RNF6: variants seen among roughly 807,000 people sequenced by gnomAD.
RNF6 encodes the protein E3 ubiquitin-protein ligase RNF6.
A neutral mutation model predicts 50.1 loss-of-function variants in RNF6; 21 were observed. That is an observed-to-expected ratio of 0.42 (90% CI 0.30 to 0.60). The LOEUF is 0.60. Among genes scored for constraint, RNF6 ranks in the 20% least tolerant of loss-of-function variants. RNF6 has a pLI of 0.20. For synonymous variants in RNF6, 255 were observed against 291.8 expected (o/e 0.87, Z 1.29); for missense variants, 698 against 838.2 (o/e 0.83, Z 2.07).
chr13:26,198,730 A>G (rs911788539), intron 5 of RNF6, among the ~76,000 whole-genome samples: 2 of 152,042 alleles, frequency 1.3e-5, no homozygotes, highest in African/African-American at 4.8e-5. Context: ...CATTCAGTAC[A>G]TAGAATATAA....
rs373539046 is a variant in RNF6 at position 26,214,562 on chromosome 13, G to A, written c.1320C>T (p.Gly440=). 7 of 1,614,032 alleles carry A rather than the reference G, an allele frequency of 4.3e-6. No individual in the cohort carries two copies. In the African/African-American group the frequency reaches 8.0e-5, roughly 18 times the overall value. ...CTAAACGAGAAATGGTTCGGCGAAAGCCCCCACTATTGCTTTCAATAGTGA... is the reference window on the plus strand; with the variant it reads ...CTAAACGAGAAATGGTTCGGCGAAAACCCCCACTATTGCTTTCAATAGTGA... ...NTVTIESNSG[G]FRRTISRLER... is the part of the protein sequence containing the mutation. The change falls in exon 5 of 5, where the codon GGC becomes GGT. Residue 440 remains glycine, a synonymous_variant. Coordinates refer to ENST00000381588, the MANE Select transcript of RNF6 (RefSeq NM_005977.4).
intron 5 of RNF6, among the ~76,000 whole-genome samples, chr13:26,151,365 C>T (rs930642404): frequency 3.9e-5 from 6 of 151,968 alleles, no homozygotes; most frequent in Admixed American, 6.6e-5. Flanking sequence ...CAGGTTCAAG[C>T]GGTTCTCCTG....
chr13:26,132,289 GA>G (rs1366498227), exon 6 of RNF6: 6 of 335,286 alleles, frequency 1.8e-5, no homozygotes, highest in South Asian at 5.0e-5. Context: ...TTCCATAAAA[GA>G]AAAAAAACTG....
At chr13:26,167,678 G>T (rs998577755) in intron 5 of RNF6, among the ~76,000 whole-genome samples, 2 of 152,174 alleles carry the variant, frequency 1.3e-5, no homozygotes, top group Non-Finnish European at 2.9e-5. Flanking sequence ...ACTACTATTT[G>T]ACCCAGCGAT....
At chr13:26,134,000 C>T (rs564355218) in intron 5 of RNF6, among the ~76,000 whole-genome samples, 2 of 152,216 alleles carry the variant, frequency 1.3e-5, no homozygotes, top group African/African-American at 2.4e-5. Context: ...TCTGACATAC[C>T]TCCAACAGGG....
chr13:26,217,275 A>G (rs1869981020), intron 4 of RNF6, among the ~76,000 whole-genome samples: 1 of 152,252 alleles, frequency 6.6e-6, no homozygotes, highest in South Asian at 2.1e-4. Flanking sequence ...TGGAAAAAGA[A>G]TGAGTAAAAG....
intron 5 of RNF6, among the ~76,000 whole-genome samples, chr13:26,181,809 G>T (rs960576271): frequency 6.6e-6 from 1 of 152,132 alleles, no homozygotes; most frequent in Non-Finnish European, 1.5e-5. Flanking sequence ...TTATACTCTG[G>T]AGCACTCTCA....
intron 5 of RNF6, among the ~76,000 whole-genome samples, chr13:26,150,048 G>GTA (rs71813042): frequency 0.26 from 21,803 of 84,034 alleles, 3,621 homozygotes; most frequent in Non-Finnish European, 0.33. Flanking sequence ...TATATAATGT[G>GTA]TATATATATA....
chr13:26,141,294 G>T (rs1366729540), intron 5 of RNF6, among the ~76,000 whole-genome samples: 1 of 151,964 alleles, frequency 6.6e-6, no homozygotes, highest in Non-Finnish European at 1.5e-5. Flanking sequence ...TGGGCGTGGT[G>T]GTGCATATCT....
intron 5 of RNF6, among the ~76,000 whole-genome samples, chr13:26,199,923 C>A (rs1452203976): frequency 6.6e-6 from 1 of 152,090 alleles, no homozygotes; most frequent in East Asian, 1.9e-4. Context: ...GGTGGAGCCC[C>A]CATGAATTTG....
Position 26,196,636 on chromosome 13 carries a change from AAAAT to A in RNF6, n.768+18834_768+18837del, listed in dbSNP as rs57251514. On this transcript the variant is annotated intron_variant and non_coding_transcript_variant, in intron 5 of 5. Coordinates refer to the RNF6 transcript ENST00000468480. ...TGACAGAGTGAGACTCTTTCTCCAA[AAAAT>A]AAATAAATAAATAAATAAATAAAAC... 5.9e-5 allele frequency among the ~76,000 whole-genome samples: 9 copies of A among 151,270 alleles called. 1 individual carries two copies. The highest frequency in any genetic ancestry group is 1.7e-4 in the African/African-American group (7 of 40,888).
intron 5 of RNF6, among the ~76,000 whole-genome samples, chr13:26,173,863 A>C (rs1220894644): frequency 2.0e-5 from 3 of 151,150 alleles, no homozygotes; most frequent in Non-Finnish European, 4.4e-5. Flanking sequence ...AGGCAGGAGA[A>C]TCACTTGAAC....
At chr13:26,197,633 G>A (rs9512150) in intron 5 of RNF6, among the ~76,000 whole-genome samples, 75,103 of 151,824 alleles carry the variant, frequency 0.49, 22,020 homozygotes, top group East Asian at 0.7. Context: ...CCAGTTACCT[G>A]TGTAGGAATC....
intron 5 of RNF6, among the ~76,000 whole-genome samples, chr13:26,143,549 G>A (rs1363321101): frequency 1.3e-5 from 2 of 152,094 alleles, no homozygotes; most frequent in African/African-American, 4.8e-5. Context: ...ACTCACTAGG[G>A]GTAATAGCAA....
chr13:26,195,816 A>G (rs1335502854), intron 5 of RNF6, among the ~76,000 whole-genome samples: 1 of 152,148 alleles, frequency 6.6e-6, no homozygotes, highest in Non-Finnish European at 1.5e-5. Context: ...ACACACATAC[A>G]TACAATTTTA....
chr13:26,189,150 G>A (rs758654205), intron 5 of RNF6, among the ~76,000 whole-genome samples: 1 of 152,072 alleles, frequency 6.6e-6, no homozygotes, highest in Non-Finnish European at 1.5e-5. Context: ...CCAACATGGT[G>A]AAACTATGTC....
intron 5 of RNF6, among the ~76,000 whole-genome samples, chr13:26,159,344 G>T (rs1872090565): frequency 6.6e-6 from 1 of 152,048 alleles, no homozygotes; most frequent in Non-Finnish European, 1.5e-5. Flanking sequence ...AAAATTTATT[G>T]CCGGGTGCGG....
rs1048393090 is a variant in RNF6 at position 26,219,376 on chromosome 13, A to G, written c.193+81T>C. 33 of 1,188,144 alleles carry G rather than the reference A, an allele frequency of 2.8e-5. No homozygotes were observed. The South Asian group carries it at 5.3e-4, about 19-fold the overall frequency. 73.6% of individuals were successfully genotyped at this position (1,188,144 alleles called of 1,614,324 possible). A position where few individuals can be genotyped will look rare whatever the true frequency, so the allele number is the denominator to read the frequency against. ...TTTTCATAAAGAGAAGCAAGGAAAA[A>G]GAATACCAATTCTCCTTATCTTGAA... On this transcript the variant is annotated intron_variant, in intron 3 of 4. Coordinates refer to ENST00000381588, the MANE Select transcript of RNF6 (RefSeq NM_005977.4).
At position 26,132,332 on chromosome 13, in the gene RNF6, C is replaced by A. The variant is rs1480115251; in HGVS notation, n.888G>T. On this transcript the variant is annotated non_coding_transcript_exon_variant, in exon 6 of 6. Coordinates refer to the RNF6 transcript ENST00000468480. ...AAGAGAAAGATAATACATTTTACCCCTTAGGCTCCAGGTTCCAGCGAAGCT... is the reference window on the plus strand; with the variant it reads ...AAGAGAAAGATAATACATTTTACCCATTAGGCTCCAGGTTCCAGCGAAGCT... 9.7e-6 allele frequency: 4 copies of A among 410,580 alleles called. No homozygotes were observed. In the Admixed American group the frequency reaches 1.2e-4, roughly 12 times the overall value. The allele number at this position is 410,580 out of a possible 1,614,324, so 25.4% of individuals were successfully genotyped here. A position where few individuals can be genotyped will look rare whatever the true frequency, so the allele number is the denominator to read the frequency against.
Sources: allele counts gnomAD v4.1 joint callset (sites outside exome capture counted in the v4.1 genomes callset), GRCh38; gene constraint gnomAD v4.1.1; transcripts MANE v1.5; gene names NCBI Gene and HGNC (gene_info 2026-07-23, HGNC 2026-07-21).